TMEM131: variants seen among roughly 807,000 people sequenced by gnomAD.
TMEM131 encodes transmembrane protein 131.
In TMEM131, 66 loss-of-function variants were observed where a neutral mutation model predicts 211.6. That is an observed-to-expected ratio of 0.31 (90% CI 0.26 to 0.38). The LOEUF (loss-of-function observed/expected upper bound fraction) is 0.38, where lower values mean the gene tolerates loss of function less well. Among genes scored for constraint, TMEM131 ranks in the 10% least tolerant of loss-of-function variants. The pLI is 1.00. For missense variants in TMEM131, 2,036 were observed against 2,299.3 expected (o/e 0.89, Z 2.34); for synonymous variants, 844 against 841.3 (o/e 1.00, Z -0.06).
At chr2:97,974,628 AG>A (rs1363026060) in intron 1 of TMEM131, among the ~76,000 whole-genome samples, 3 of 152,256 alleles carry the variant, frequency 2.0e-5, no homozygotes, top group Non-Finnish European at 4.4e-5. Flanking sequence ...TTATATACAG[AG>A]GAACAAAGAT....
chr2:97,961,401 C>T (rs1220398218), intron 1 of TMEM131, among the ~76,000 whole-genome samples: 2 of 152,008 alleles, frequency 1.3e-5, no homozygotes, highest in Admixed American at 6.6e-5. Flanking sequence ...GAGATAAATA[C>T]TGTTTAAAGA....
intron 31 of TMEM131, among the ~76,000 whole-genome samples, chr2:97,776,467 A>G (rs1191465530): frequency 6.6e-6 from 1 of 152,208 alleles, no homozygotes; most frequent in Non-Finnish European, 1.5e-5. Context: ...TCTCTAATTA[A>G]AGCTTTCCAA....
intron 1 of TMEM131, among the ~76,000 whole-genome samples, chr2:97,957,096 CAA>C (rs34518893): frequency 5.2e-5 from 6 of 116,390 alleles, no homozygotes; most frequent in East Asian, 2.9e-4. Context: ...GACTCCGTCT[CAA>C]AAAAAAAAAA....
rs138913094 is a variant in TMEM131 at position 97,916,399 on chromosome 2, C to T, written c.250-7701G>A. Reference sequence around the variant, plus strand: ...ACCTGTGTGCAAACACCAGCTCTGCCCTCACTAGCCAAATACCCTTGGGGA... The same window carrying T: ...ACCTGTGTGCAAACACCAGCTCTGCTCTCACTAGCCAAATACCCTTGGGGA... On this transcript the variant is annotated intron_variant, in intron 2 of 40. Coordinates refer to ENST00000186436, the MANE Select transcript of TMEM131 (RefSeq NM_015348.2). 1.7e-3 allele frequency among the ~76,000 whole-genome samples: 258 copies of T among 152,304 alleles called. 1 individual carries two copies. Among genetic ancestry groups the T allele is most frequent in the African/African-American group, 6.1e-3 (253 of 41,562 alleles).
chr2:97,887,973 G>C, intron 4 of TMEM131, 79 bp downstream of exon 4: 1 of 1,152,882 alleles, frequency 8.7e-7, no homozygotes, highest in Middle Eastern at 2.0e-4. Flanking sequence ...ATGTAACACA[G>C]GCAAAAGACA....
At chr2:97,811,542 G>A (rs946711560) in intron 17 of TMEM131, among the ~76,000 whole-genome samples, 2 of 152,164 alleles carry the variant, frequency 1.3e-5, no homozygotes, top group African/African-American at 4.8e-5. Context: ...CTGGAGCAGA[G>A]GGACACAGCC....
chr2:97,926,956 A>G (rs1677016419), intron 2 of TMEM131, among the ~76,000 whole-genome samples: 2 of 152,238 alleles, frequency 1.3e-5, no homozygotes, highest in South Asian at 4.1e-4. Flanking sequence ...GAGATATTTA[A>G]AACATTTGTT....
At chr2:97,794,211 T>C (rs1018334023) in intron 29 of TMEM131, among the ~76,000 whole-genome samples, 4 of 152,004 alleles carry the variant, frequency 2.6e-5, no homozygotes, top group Admixed American at 2.0e-4. Flanking sequence ...ATTTTTTGTA[T>C]TTTTAGTAGA....
At chr2:97,870,183 G>T (rs1674435230) in intron 4 of TMEM131, among the ~76,000 whole-genome samples, 1 of 152,104 alleles carries the variant, frequency 6.6e-6, no homozygotes, top group African/African-American at 2.4e-5. Context: ...AATTGATTTG[G>T]GGCCTTAGTT....
At chr2:97,927,347 A>C in intron 2 of TMEM131, 79 bp downstream of exon 2, 1 of 1,107,298 alleles carries the variant, frequency 9.0e-7, no homozygotes, top group Non-Finnish European at 1.3e-6. Context: ...AGATAAACCA[A>C]TTACATTTTT....
At chr2:97,766,071 G>A (rs780742556) in intron 35 of TMEM131, 43 bp downstream of exon 35, 5 of 1,607,960 alleles carry the variant, frequency 3.1e-6, no homozygotes, top group East Asian at 2.2e-5. Flanking sequence ...GGGGTGGATT[G>A]TGGGTAAGTG....
intron 1 of TMEM131, among the ~76,000 whole-genome samples, chr2:97,987,611 G>A (rs1345645615): frequency 1.3e-5 from 2 of 152,106 alleles, no homozygotes; most frequent in Admixed American, 6.5e-5. Flanking sequence ...CCTTAAGTAC[G>A]CAGCATTTTT....
intron 1 of TMEM131, among the ~76,000 whole-genome samples, chr2:97,972,090 C>A (rs1679321682): frequency 6.6e-6 from 1 of 152,016 alleles, no homozygotes; most frequent in African/African-American, 2.4e-5. Flanking sequence ...TGCCTGTAAT[C>A]CCAGCTACTC....
intron 5 of TMEM131, among the ~76,000 whole-genome samples, chr2:97,858,421 A>C (rs1173443502): frequency 1.3e-5 from 2 of 152,222 alleles, no homozygotes; most frequent in Admixed American, 6.5e-5. Flanking sequence ...CATACTTCCT[A>C]TGAAAATTAC....
intron 29 of TMEM131, among the ~76,000 whole-genome samples, 161 bp from the exon 30 acceptor site, chr2:97,793,714 G>A (rs1304520926): frequency 4.6e-5 from 7 of 151,784 alleles, no homozygotes; most frequent in African/African-American, 1.7e-4. Flanking sequence ...CACAGTTTTG[G>A]CTGGGCACGG....
chr2:97,802,042 C>CCTG, intron 24 of TMEM131, 81 bp from the exon 25 acceptor site: 1 of 932,474 alleles, frequency 1.1e-6, no homozygotes. Flanking sequence ...CAGGTGTGTG[C>CCTG]TTTATTTTCA....
intron 11 of TMEM131, among the ~76,000 whole-genome samples, chr2:97,821,298 A>T (rs1397883172): frequency 6.6e-6 from 1 of 152,220 alleles, no homozygotes; most frequent in Non-Finnish European, 1.5e-5. Context: ...CTCTGTGTCT[A>T]GCTAAAGGAC....
At chr2:97,762,304 T>C (rs892008941) in intron 35 of TMEM131, 104 bp from the exon 36 acceptor site, 1 of 1,204,806 alleles carries the variant, frequency 8.3e-7, no homozygotes. Context: ...CAAGCCCTTC[T>C]ACAAAGAAAA....
At chr2:97,841,410 G>T (rs1026300030) in intron 7 of TMEM131, among the ~76,000 whole-genome samples, 50 of 152,102 alleles carry the variant, frequency 3.3e-4, no homozygotes, top group African/African-American at 9.2e-4. Flanking sequence ...TTTCTAGGTT[G>T]CCATCACCAA....
Sources: gnomAD v4.1 joint callset for allele counts (sites outside exome capture counted in the v4.1 genomes callset) on GRCh38, gnomAD v4.1.1 for gene constraint, MANE v1.5 for transcripts, NCBI Gene and HGNC (gene_info 2026-07-23, HGNC 2026-07-21) for gene names.